The following ERI1 variants were observed in gnomAD, a reference collection of about 807,000 sequenced individuals.
The protein encoded by ERI1 is exoribonuclease 1.
ERI1 carries 39 observed loss-of-function variants against 39.7 expected under a neutral mutation model. That is an observed-to-expected ratio of 0.98 (90% CI 0.76 to 1.28). The LOEUF is 1.28. Ranked by LOEUF, ERI1 falls within the 50% of genes most tolerant of loss-of-function variation. ERI1 has a pLI of 0.00. For synonymous variants in ERI1, 204 were observed against 149.6 expected (o/e 1.36, Z -2.65); for missense variants, 581 against 416.9 (o/e 1.39, Z -3.43).
At chr8:9,063,642 T>C (rs1563366543) in intron 3 of ERI1, among the ~76,000 whole-genome samples, 1 of 151,966 alleles carries the variant, frequency 6.6e-6, no homozygotes, top group Non-Finnish European at 1.5e-5. Context: ...ATGAGTTGCA[T>C]GGGGAACAGA....
chr8:9,071,111 A>T (rs982189449), intron 3 of ERI1, among the ~76,000 whole-genome samples: 1 of 152,214 alleles, frequency 6.6e-6, no homozygotes, highest in African/African-American at 2.4e-5. Flanking sequence ...AACTGTTGCT[A>T]AGATTATTGA....
downstream of ERI1, among the ~76,000 whole-genome samples, chr8:9,035,342 A>C (rs1563346309): frequency 6.7e-6 from 1 of 149,208 alleles, no homozygotes; most frequent in Non-Finnish European, 1.5e-5. Flanking sequence ...CTTGGCTTCA[A>C]AGCTTCAAAG....
At chr8:9,052,149 C>G (rs1798376418) in intron 3 of ERI1, among the ~76,000 whole-genome samples, 1 of 152,202 alleles carries the variant, frequency 6.6e-6, no homozygotes, top group Admixed American at 6.5e-5. Context: ...GCTCTTATTA[C>G]ACGGGTCTGC....
rs1477125407 is a variant in ERI1 at position 9,087,181 on chromosome 8, C to G, written n.300-29167C>G. Among the ~76,000 whole-genome samples the G allele has an allele frequency of 3.9e-5, 6 of 151,996 alleles. No homozygotes were observed. The East Asian group carries it at 1.2e-3, about 29-fold the overall frequency. The stretch of plus-strand genomic sequence containing the variant: ...GCCCCACATGCATCAGGTATTTGTC[C>G]TAATGCTCTCCCTCCCCTTGCCCCC... On this transcript the variant is annotated intron_variant and non_coding_transcript_variant, in intron 3 of 3. Transcript: ENST00000518663.
In ERI1 at chr8:9,031,566, A is replaced by G. The variant is rs941970799; in HGVS notation, c.*1532A>G. 1 of 152,244 alleles carries G rather than the reference A, an allele frequency of 6.6e-6. No homozygotes were observed. Among genetic ancestry groups the G allele is most frequent in the East Asian group, 1.9e-4 (1 of 5,202 alleles). 9.4% of individuals were successfully genotyped at this position (152,244 alleles called of 1,614,324 possible). A position where few individuals can be genotyped will look rare whatever the true frequency, so the allele number is the denominator to read the frequency against. On this transcript the variant is annotated 3_prime_UTR_variant, in exon 7 of 7. Transcript: ENST00000250263. ...GATAGCACTGTACAATAACCTGTAAAGTATTACTGAATACTGAATAGCTGA... is the reference window on the plus strand; with the variant it reads ...GATAGCACTGTACAATAACCTGTAAGGTATTACTGAATACTGAATAGCTGA...
At chr8:9,013,320 C>T (rs1816872391) in intron 3 of ERI1, among the ~76,000 whole-genome samples, 1 of 101,054 alleles carries the variant, frequency 9.9e-6, no homozygotes, top group African/African-American at 3.0e-5. Context: ...CGGCCATTCT[C>T]ACTTAAAAAA....
chr8:9,075,950 C>G (rs1799197559), intron 3 of ERI1, among the ~76,000 whole-genome samples: 2 of 151,880 alleles, frequency 1.3e-5, no homozygotes, highest in Non-Finnish European at 2.9e-5. Context: ...TTTTTGGAGA[C>G]AGGGTCTCAT....
chr8:9,024,823 CT>C (rs1010066715), intron 6 of ERI1, among the ~76,000 whole-genome samples: 10 of 151,096 alleles, frequency 6.6e-5, no homozygotes, highest in African/African-American at 1.7e-4. Context: ...AATGTGTTTT[CT>C]TTTTTTTTGT....
intron 3 of ERI1, among the ~76,000 whole-genome samples, chr8:9,045,746 G>A (rs530900781): frequency 6.7e-6 from 1 of 148,872 alleles, no homozygotes; most frequent in South Asian, 2.1e-4. Flanking sequence ...GCACAATCTC[G>A]GCTCACTGCG....
At chr8:9,089,608 C>G (rs546246546) in intron 3 of ERI1, among the ~76,000 whole-genome samples, 1 of 152,318 alleles carries the variant, frequency 6.6e-6, no homozygotes, top group East Asian at 1.9e-4. Flanking sequence ...ACTCCTGGCT[C>G]TACCTTCAGA....
intron 1 of ERI1, among the ~76,000 whole-genome samples, chr8:9,007,280 G>A (rs1243438390): frequency 6.6e-6 from 1 of 152,116 alleles, no homozygotes; most frequent in Non-Finnish European, 1.5e-5. Context: ...CCTTCTTTGA[G>A]TACTAGGAAG....
At chr8:9,076,681 G>T (rs1233568882) in intron 3 of ERI1, among the ~76,000 whole-genome samples, 1 of 152,204 alleles carries the variant, frequency 6.6e-6, no homozygotes, top group African/African-American at 2.4e-5. Flanking sequence ...CCAGAGAAGG[G>T]TAACTAGAAT....
intron 3 of ERI1, among the ~76,000 whole-genome samples, chr8:9,074,890 G>C (rs1182295865): frequency 6.6e-6 from 1 of 152,166 alleles, no homozygotes; most frequent in African/African-American, 2.4e-5. Flanking sequence ...TCCTGGTGTG[G>C]TCTGGTGTGG....
chr8:9,054,509 A>G (rs1015055504), intron 3 of ERI1, among the ~76,000 whole-genome samples: 31 of 152,252 alleles, frequency 2.0e-4, no homozygotes, highest in Non-Finnish European at 4.6e-4. Flanking sequence ...GGAAAAAAGC[A>G]CAACAAATTT....
intron 3 of ERI1, among the ~76,000 whole-genome samples, chr8:9,015,688 C>T (rs925094868): frequency 2.3e-5 from 3 of 133,002 alleles, no homozygotes; most frequent in Admixed American, 8.3e-5. Flanking sequence ...TGGCAGTGCA[C>T]TCCAGCCTGG....
downstream of ERI1, among the ~76,000 whole-genome samples, chr8:9,034,348 A>ATTTTG (rs376162478): frequency 1.3e-5 from 2 of 152,140 alleles, no homozygotes; most frequent in Non-Finnish European, 2.9e-5. Flanking sequence ...CGCAGATACT[A>ATTTTG]TTTTGTTTTG....
At chr8:9,018,538 T>C (rs553979163) in intron 5 of ERI1, 132 bp downstream of exon 5, 2 of 553,924 alleles carry the variant, frequency 3.6e-6, no homozygotes, top group East Asian at 2.9e-5. Context: ...GGGAATAGTA[T>C]TTTTCCTTTC....
chr8:9,082,994 T>C (rs1311267670), intron 3 of ERI1, among the ~76,000 whole-genome samples: 2 of 152,226 alleles, frequency 1.3e-5, no homozygotes, highest in East Asian at 3.8e-4. Context: ...CAAATAAATT[T>C]TTAACATAGG....
rs1050188060 is a variant in ERI1, at chr8:9,032,406, C to G, written c.*2372C>G. ...TTTTTCAAATCCGCAATCTTTATAA[C>G]CAACTGAAGTATATAATAGAGCATT... On this transcript the variant is annotated 3_prime_UTR_variant, in exon 7 of 7. Coordinates refer to ENST00000250263, the MANE Select transcript of ERI1 (RefSeq NM_153332.4). 6.6e-6 allele frequency: 1 copy of G among 152,044 alleles called. No homozygotes were observed. Among genetic ancestry groups the G allele is most frequent in the African/African-American group, 2.4e-5 (1 of 41,392 alleles). The allele number at this position is 152,044 out of a possible 1,614,324, so 9.4% of individuals were successfully genotyped here. A position where few individuals can be genotyped will look rare whatever the true frequency, so the allele number is the denominator to read the frequency against.
Sources: allele counts gnomAD v4.1 joint callset (sites outside exome capture counted in the v4.1 genomes callset), GRCh38; gene constraint gnomAD v4.1.1; transcripts MANE v1.5; gene names NCBI Gene and HGNC (gene_info 2026-07-23, HGNC 2026-07-21).